The following NREP variants were observed in gnomAD, a reference collection of about 807,000 sequenced individuals.
NREP encodes neuronal regeneration related protein.
Under a neutral mutation model 8.6 loss-of-function variants are expected in NREP, and 5 were observed. That is an observed-to-expected ratio of 0.58 (90% CI 0.30 to 1.22). NREP has a LOEUF of 1.22. Among genes scored for constraint, NREP ranks in the 50% most tolerant of loss-of-function variants. The pLI is 0.07. For missense variants in NREP, 86 were observed against 82.5 expected, an observed-to-expected ratio of 1.04 and a Z score of -0.17; for synonymous variants, 27 against 28.0, an observed-to-expected ratio of 0.96 and a Z score of 0.11.
At position 111,783,844 on chromosome 5, in the gene NREP, G is replaced by A. The variant is rs375656625; in HGVS notation, c.136-48337C>T. Among the ~76,000 whole-genome samples, 3 of 152,252 alleles carry A rather than the reference G, an allele frequency of 2.0e-5. No individual in the cohort carries two copies. The South Asian group carries it at 6.2e-4, about 32-fold the overall frequency. Reference sequence around the variant, plus strand: ...ATCCCTAAACCTGGCGTGTTTAAATGAATGAATAATGAGTGTTAAATGAAT... The same window carrying A: ...ATCCCTAAACCTGGCGTGTTTAAATAAATGAATAATGAGTGTTAAATGAAT... On this transcript the variant is annotated intron_variant, in intron 2 of 3. Transcript: ENST00000395634.
intron 2 of NREP, among the ~76,000 whole-genome samples, chr5:111,818,972 T>C (rs1752455010): frequency 6.6e-6 from 1 of 152,216 alleles, no homozygotes; most frequent in Non-Finnish European, 1.5e-5. Context: ...ATTCCCATTA[T>C]TTATGGTAGT....
intron 2 of NREP, among the ~76,000 whole-genome samples, chr5:111,844,822 G>T (rs950690874): frequency 4.0e-5 from 6 of 150,626 alleles, no homozygotes; most frequent in Admixed American, 2.0e-4. Context: ...CCTAACAAGG[G>T]CTATGTGCAC....
intron 2 of NREP, among the ~76,000 whole-genome samples, chr5:111,936,125 G>A (rs1755675179): frequency 6.6e-6 from 1 of 151,962 alleles, no homozygotes; most frequent in Admixed American, 6.6e-5. Context: ...TTCTTATAAA[G>A]ACATCAATCC....
intron 2 of NREP, among the ~76,000 whole-genome samples, chr5:111,788,562 C>T (rs1451552617): frequency 6.6e-6 from 1 of 152,152 alleles, no homozygotes; most frequent in Non-Finnish European, 1.5e-5. Flanking sequence ...CTCACATGCA[C>T]CCAGAATTCC....
intron 2 of NREP, among the ~76,000 whole-genome samples, chr5:111,796,342 CTCAAA>C (rs1751873058): frequency 6.6e-6 from 1 of 152,138 alleles, no homozygotes; most frequent in Non-Finnish European, 1.5e-5. Flanking sequence ...GATAATCTGT[CTCAAA>C]ATTCTTAGCT....
At chr5:111,879,745 A>G (rs1754001978) in intron 2 of NREP, among the ~76,000 whole-genome samples, 1 of 152,250 alleles carries the variant, frequency 6.6e-6, no homozygotes, top group Non-Finnish European at 1.5e-5. Context: ...GGGCCAGCAT[A>G]GTTGAGCTTT....
chr5:111,838,841 GATAC>G (rs1752958743), intron 2 of NREP, among the ~76,000 whole-genome samples: 1 of 151,920 alleles, frequency 6.6e-6, no homozygotes, highest in Non-Finnish European at 1.5e-5. Flanking sequence ...TATAGAAATA[GATAC>G]ATATGTGTAG....
At position 111,737,190 on chromosome 5, in the gene NREP, C is replaced by G. The variant is rs72798062; in HGVS notation, c.4-1683G>C. ...CCTTGTTTGGGACAAGCAGCCACTTCTGACATTTCCTTTATCCAGGAATGG... is the reference window on the plus strand; with the variant it reads ...CCTTGTTTGGGACAAGCAGCCACTTGTGACATTTCCTTTATCCAGGAATGG... On this transcript the variant is annotated intron_variant, in intron 2 of 3. Transcript: ENST00000257435. Among the ~76,000 whole-genome samples the G allele has an allele frequency of 6.2e-3, 951 of 152,304 alleles. 8 individuals carry two copies. The highest frequency in any genetic ancestry group is 0.01 in the Non-Finnish European group (713 of 68,030).
At chr5:111,875,300 A>G (rs1753878192) in intron 2 of NREP, among the ~76,000 whole-genome samples, 2 of 152,140 alleles carry the variant, frequency 1.3e-5, no homozygotes, top group Admixed American at 6.6e-5. Context: ...AGGCAAATAG[A>G]AAAAGAAAAA....
intron 2 of NREP, among the ~76,000 whole-genome samples, chr5:111,900,962 A>C (rs1754632404): frequency 6.6e-6 from 1 of 152,172 alleles, no homozygotes; most frequent in South Asian, 2.1e-4. Flanking sequence ...CAAATAAAGA[A>C]AACTGCATGC....
At chr5:111,752,184 G>A (rs1005938857) in intron 2 of NREP, among the ~76,000 whole-genome samples, 1 of 152,142 alleles carries the variant, frequency 6.6e-6, no homozygotes, top group Non-Finnish European at 1.5e-5. Flanking sequence ...ATCTTTTAAA[G>A]AACTGTATCA....
In NREP at chr5:111,881,511, T is replaced by G. The variant is rs7703387; in HGVS notation, c.135+93763A>C. 2.0e-5 allele frequency among the ~76,000 whole-genome samples: 3 copies of G among 152,008 alleles called. No homozygotes were observed. In the East Asian group the frequency reaches 5.8e-4, roughly 29 times the overall value. On this transcript the variant is annotated intron_variant, in intron 2 of 3. Transcript: ENST00000395634. ...CAGAACGCAGCTGGAGATCTGAGAA[T>G]GGGCAGACTGCCTCCTCAAGTGGGT... is the stretch of plus-strand genomic sequence containing the variant.
intron 2 of NREP, among the ~76,000 whole-genome samples, chr5:111,920,126 C>T (rs1051286021): frequency 1.3e-5 from 2 of 151,982 alleles, no homozygotes; most frequent in African/African-American, 4.8e-5. Context: ...TGAGATTTTA[C>T]TGGAAGCTGA....
chr5:111,813,251 C>CA lies in NREP; in HGVS notation c.136-77745dup, dbSNP rs200218635. ...TGATTTCATCTATAGACTTTTCTAA[C>CA]AGATGGCCTCAAGGCATATGGCATA... On this transcript the variant is annotated intron_variant, in intron 2 of 3. Transcript: ENST00000395634. Among the ~76,000 whole-genome samples the CA allele has an allele frequency of 1.1e-4, 17 of 152,276 alleles. No individual in the cohort carries two copies. The East Asian group carries it at 3.1e-3, about 28-fold the overall frequency.
At chr5:111,898,130 T>C (rs577636233) in intron 2 of NREP, among the ~76,000 whole-genome samples, 3 of 152,256 alleles carry the variant, frequency 2.0e-5, no homozygotes, top group East Asian at 1.9e-4. Flanking sequence ...ATAGAGCCAC[T>C]GGAGAGTTTT....
chr5:111,802,226 T>A (rs1207364831), intron 2 of NREP, among the ~76,000 whole-genome samples: 1 of 152,110 alleles, frequency 6.6e-6, no homozygotes, highest in East Asian at 1.9e-4. Flanking sequence ...TAAGATTTAG[T>A]TGAAAGTTTA....
intron 2 of NREP, among the ~76,000 whole-genome samples, chr5:111,873,749 G>A (rs1753841398): frequency 6.6e-6 from 1 of 152,128 alleles, no homozygotes; most frequent in Non-Finnish European, 1.5e-5. Flanking sequence ...AATAACTTCT[G>A]CAAATCCTTT....
chr5:111,786,269 T>C (rs1270957831), intron 2 of NREP, among the ~76,000 whole-genome samples: 1 of 152,216 alleles, frequency 6.6e-6, no homozygotes, highest in East Asian at 1.9e-4. Context: ...CTTGCTTCCC[T>C]TTCCTCTAGG....
chr5:111,775,530 A>C (rs554234760), intron 2 of NREP, among the ~76,000 whole-genome samples: 2 of 152,314 alleles, frequency 1.3e-5, no homozygotes, highest in East Asian at 3.9e-4. Flanking sequence ...CCTGCCAATT[A>C]CTTTTATACA....
Sources: gnomAD v4.1 joint callset for allele counts (sites outside exome capture counted in the v4.1 genomes callset) on GRCh38, gnomAD v4.1.1 for gene constraint, MANE v1.5 for transcripts, NCBI Gene and HGNC (gene_info 2026-07-23, HGNC 2026-07-21) for gene names.